Variants in CRACDL observed in about 807,000 individuals in gnomAD.
CRACDL encodes the protein CRACD-like protein.
In CRACDL, 26 loss-of-function variants were observed where a neutral mutation model predicts 70.6. That is an observed-to-expected ratio of 0.37 (90% CI 0.27 to 0.51). The LOEUF (loss-of-function observed/expected upper bound fraction) is 0.51, where lower values mean the gene tolerates loss of function less well. CRACDL is among the 20% of genes least tolerant of loss of function. The probability of loss-of-function intolerance (pLI) is 0.94; values close to 1 mark genes in which losing one functional copy is unlikely to be tolerated. For missense variants in CRACDL, 1,283 were observed against 1,376.9 expected, an observed-to-expected ratio of 0.93 and a Z score of 1.08; for synonymous variants, 618 against 615.2, an observed-to-expected ratio of 1.00 and a Z score of -0.07.
intron 6 of CRACDL, among the ~76,000 whole-genome samples, chr2:98,825,269 C>G (rs1275349119): frequency 6.6e-6 from 1 of 152,100 alleles, no homozygotes; most frequent in Non-Finnish European, 1.5e-5. Context: ...CGCTCCTTAC[C>G]AAGCAGGGAA....
At chr2:98,854,457 G>GA (rs1706619711) in intron 1 of CRACDL, among the ~76,000 whole-genome samples, 1 of 151,604 alleles carries the variant, frequency 6.6e-6, no homozygotes, top group Admixed American at 6.6e-5. Flanking sequence ...AACCATAAAA[G>GA]AAAAAATTTA....
chr2:98,897,251 C>G, intron 1 of CRACDL: 1 of 434,968 alleles, frequency 2.3e-6, no homozygotes, highest in Non-Finnish European at 4.1e-6. Flanking sequence ...AAGTGTGATG[C>G]TTTTGAGCTT....
intron 1 of CRACDL, among the ~76,000 whole-genome samples, chr2:98,859,899 T>C (rs1379816819): frequency 2.0e-5 from 3 of 152,206 alleles, no homozygotes; most frequent in African/African-American, 7.2e-5. Context: ...ATCATGCACA[T>C]AGATAATGTT....
intron 1 of CRACDL, among the ~76,000 whole-genome samples, chr2:98,893,606 C>A (rs1428414252): frequency 6.6e-6 from 1 of 152,150 alleles, no homozygotes; most frequent in African/African-American, 2.4e-5. Flanking sequence ...ATTTTCATAT[C>A]CTGCTGTGTA....
At chr2:98,869,180 A>C in intron 1 of CRACDL, 1 of 1,304,256 alleles carries the variant, frequency 7.7e-7, no homozygotes, top group Non-Finnish European at 1.0e-6. Context: ...CAGGGAGAAG[A>C]GTGGGCCTCC....
At chr2:98,900,946 C>A (rs1043404356) in intron 1 of CRACDL, among the ~76,000 whole-genome samples, 6 of 152,108 alleles carry the variant, frequency 3.9e-5, no homozygotes, top group African/African-American at 1.2e-4. Context: ...TATAATGGTG[C>A]CAGGAGGCAG....
At chr2:98,798,712 G>T (rs1486894247) in intron 7 of CRACDL, among the ~76,000 whole-genome samples, 19 of 148,816 alleles carry the variant, frequency 1.3e-4, no homozygotes, top group African/African-American at 4.5e-4. Context: ...TTTTTTTTGA[G>T]ACAGGGTCTC....
In CRACDL at chr2:98,917,544, C is replaced by A. The variant is rs117576114; in HGVS notation, c.-11+18394G>T. 2.0e-4 allele frequency among the ~76,000 whole-genome samples: 31 copies of A among 152,222 alleles called. 1 individual carries two copies. In the East Asian group the frequency reaches 6.0e-3, roughly 29 times the overall value. On this transcript the variant is annotated intron_variant, in intron 1 of 9. Coordinates refer to ENST00000397899, the MANE Select transcript of CRACDL (RefSeq NM_207362.3). Reference sequence around the variant, plus strand: ...CACCACAAATTTGTCAATTTAATAGCAAAAAATAGTATCTTACTTTAATAG... The same window carrying A: ...CACCACAAATTTGTCAATTTAATAGAAAAAAATAGTATCTTACTTTAATAG...
At chr2:98,862,003 T>A (rs1706956245) in intron 1 of CRACDL, among the ~76,000 whole-genome samples, 1 of 152,168 alleles carries the variant, frequency 6.6e-6, no homozygotes, top group Admixed American at 6.5e-5. Flanking sequence ...CTCTCCCCAT[T>A]GTTACAAGAC....
intron 8 of CRACDL, 55 bp downstream of exon 8, chr2:98,797,295 C>T: frequency 6.4e-7 from 1 of 1,561,014 alleles, no homozygotes; most frequent in Non-Finnish European, 8.8e-7. Context: ...TCGCCCCAGT[C>T]CCAGCTGGCT....
chr2:98,832,267 C>A, intron 5 of CRACDL, 81 bp downstream of exon 5: 1 of 1,468,954 alleles, frequency 6.8e-7, no homozygotes, highest in Non-Finnish European at 9.5e-7. Flanking sequence ...ATCTTAGGGG[C>A]ACACACAGGG....
At chr2:98,850,296 C>G (rs1706429964) in intron 1 of CRACDL, among the ~76,000 whole-genome samples, 2 of 152,240 alleles carry the variant, frequency 1.3e-5, no homozygotes, top group Non-Finnish European at 2.9e-5. Context: ...AGGTGGAGAA[C>G]TGTTTCCTTC....
At chr2:98,824,951 T>A (rs1452818682) in intron 6 of CRACDL, among the ~76,000 whole-genome samples, 1 of 152,220 alleles carries the variant, frequency 6.6e-6, no homozygotes, top group African/African-American at 2.4e-5. Flanking sequence ...CTGCTGATGT[T>A]GAAACCTCTT....
At chr2:98,795,382 T>C (rs1282160602) in intron 9 of CRACDL, among the ~76,000 whole-genome samples, 1 of 152,062 alleles carries the variant, frequency 6.6e-6, no homozygotes, top group Non-Finnish European at 1.5e-5. Context: ...GGCCTAAAAA[T>C]TTTTAAATAC....
At chr2:98,835,364 G>A (rs187044298) in intron 3 of CRACDL, among the ~76,000 whole-genome samples, 5 of 152,332 alleles carry the variant, frequency 3.3e-5, no homozygotes, top group African/African-American at 1.2e-4. Flanking sequence ...CCAGGGTCCT[G>A]TCAAGAAAGT....
At chr2:98,924,743 G>T (rs116133686) in intron 1 of CRACDL, among the ~76,000 whole-genome samples, 2,887 of 152,200 alleles carry the variant, frequency 0.019, 97 homozygotes, top group African/African-American at 0.066. Context: ...TGACCTAGGG[G>T]CCCTGTCCAG....
At chr2:98,812,711 G>GA (rs966342628) in intron 7 of CRACDL, among the ~76,000 whole-genome samples, 1 of 139,538 alleles carries the variant, frequency 7.2e-6, no homozygotes, top group African/African-American at 2.6e-5. Context: ...CTGTTTTTTT[G>GA]TTTTTTTTTT....
intron 1 of CRACDL, among the ~76,000 whole-genome samples, chr2:98,847,543 C>T (rs1436754937): frequency 2.6e-5 from 4 of 152,162 alleles, no homozygotes; most frequent in Non-Finnish European, 4.4e-5. Context: ...TCATCCCAGA[C>T]ATGATGATCA....
At chr2:98,841,759 A>G (rs917672829) in intron 2 of CRACDL, among the ~76,000 whole-genome samples, 2 of 152,182 alleles carry the variant, frequency 1.3e-5, no homozygotes, top group African/African-American at 4.8e-5. Flanking sequence ...ATAACGTTCT[A>G]TTAAGTTGGT....
Sources: gnomAD v4.1 joint callset for allele counts (sites outside exome capture counted in the v4.1 genomes callset) on GRCh38, gnomAD v4.1.1 for gene constraint, MANE v1.5 for transcripts, NCBI Gene and HGNC (gene_info 2026-07-23, HGNC 2026-07-21) for gene names.